Variants in AAK1 observed in about 807,000 individuals in gnomAD.
AAK1 encodes the protein AP2-associated protein kinase 1.
In AAK1, 37 loss-of-function variants were observed where a neutral mutation model predicts 116.0. That is an observed-to-expected ratio of 0.32 (90% CI 0.25 to 0.42). The LOEUF (loss-of-function observed/expected upper bound fraction) is 0.42. AAK1 is among the 10% of genes least tolerant of loss of function. The pLI, the probability that AAK1 is intolerant of heterozygous loss-of-function variation, is 1.00. For synonymous variants in AAK1, 458 were observed against 439.9 expected (o/e 1.04, Z -0.51); for missense variants, 919 against 1,170.6 (o/e 0.79, Z 3.14).
chr2:69,542,313 T>C (rs182826237), intron 5 of AAK1, among the ~76,000 whole-genome samples: 7 of 152,338 alleles, frequency 4.6e-5, no homozygotes, highest in African/African-American at 9.6e-5. Flanking sequence ...GTGATAATTA[T>C]AAAGAATTTC....
intron 2 of AAK1, among the ~76,000 whole-genome samples, chr2:69,585,327 A>G (rs1001802974): frequency 5.3e-5 from 8 of 152,078 alleles, no homozygotes; most frequent in Admixed American, 2.0e-4. Flanking sequence ...CTCCCAAAGT[A>G]TTGGGACTAC....
chr2:69,551,315 GT>G (rs1400854933), intron 3 of AAK1, among the ~76,000 whole-genome samples: 1 of 152,108 alleles, frequency 6.6e-6, no homozygotes, highest in Non-Finnish European at 1.5e-5. Context: ...GTGATGGGTT[GT>G]TATGTGCAGC....
At chr2:69,559,327 T>C (rs1039699153) in intron 2 of AAK1, among the ~76,000 whole-genome samples, 4 of 151,846 alleles carry the variant, frequency 2.6e-5, no homozygotes, top group African/African-American at 9.7e-5. Context: ...CTAAAATGCA[T>C]GTTTTTTACA....
At chr2:69,527,192 C>T (rs1392861319) in intron 9 of AAK1, 24 bp downstream of exon 9, 2 of 1,527,328 alleles carry the variant, frequency 1.3e-6, no homozygotes, top group Admixed American at 3.6e-5. Flanking sequence ...TGTTTACTCC[C>T]TTTAAATAGC....
At chr2:69,616,045 G>A (rs1674314018) in intron 2 of AAK1, among the ~76,000 whole-genome samples, 1 of 152,200 alleles carries the variant, frequency 6.6e-6, no homozygotes, top group Non-Finnish European at 1.5e-5. Flanking sequence ...AGACCAGCCT[G>A]GGCAACACGG....
At chr2:69,569,779 T>C (rs374578587) in intron 2 of AAK1, among the ~76,000 whole-genome samples, 1 of 152,180 alleles carries the variant, frequency 6.6e-6, no homozygotes, top group African/African-American at 2.4e-5. Flanking sequence ...TTACTCATCA[T>C]AATTGTTTAT....
Position 69,520,821 on chromosome 2 carries a change from T to C in AAK1, c.1210+13A>G. The C allele has an allele frequency of 1.3e-6, 2 of 1,534,990 alleles. No individual in the cohort carries two copies. Among genetic ancestry groups the C allele is most frequent in the South Asian group, 2.6e-5 (2 of 76,308 alleles). On this transcript the variant is annotated intron_variant, in intron 11 of 21. Coordinates refer to ENST00000409085, the MANE Select transcript of AAK1 (RefSeq NM_014911.5). Reference sequence around the variant, plus strand: ...AGAGGTGTATTGAGTTTCAAACCAATCTAGATACAAACCTGCAGCCTGAGG... The same window carrying C: ...AGAGGTGTATTGAGTTTCAAACCAACCTAGATACAAACCTGCAGCCTGAGG...
rs1162373533 is a variant in AAK1 at position 69,474,518 on chromosome 2, T to A, written c.*1351A>T. The A allele has an allele frequency of 1.0e-6, 1 of 984,738 alleles. No individual in the cohort carries two copies. The highest frequency in any genetic ancestry group is 1.7e-5 in the African/African-American group (1 of 57,208). 61.0% of individuals were successfully genotyped at this position (984,738 alleles called of 1,614,324 possible). On this transcript the variant is annotated 3_prime_UTR_variant, in exon 22 of 22. Transcript: ENST00000409085. ...TTTATGAACAATATCCTAAAGTTAA[T>A]AAAGAACTATGCTTTATTATTTTTT...
At chr2:69,518,901 T>C in intron 12 of AAK1, 53 bp downstream of exon 12, 1 of 1,478,196 alleles carries the variant, frequency 6.8e-7, no homozygotes, top group Non-Finnish European at 9.0e-7. Flanking sequence ...AGTGGGCCTT[T>C]TCACAGTCAT....
chr2:69,490,440 A>T (rs1422806767), intron 17 of AAK1, among the ~76,000 whole-genome samples: 1 of 152,174 alleles, frequency 6.6e-6, no homozygotes, highest in East Asian at 1.9e-4. Context: ...AGGAGAAAGA[A>T]AATGTGGTAT....
Position 69,468,434 on chromosome 2 carries a change from G to A in AAK1, c.*7435C>T. ...CCACCTTCCTCACATAGTATCAGTT[G>A]GACAAAGTTTTCAGTTGCCAAAACA... On this transcript the variant is annotated 3_prime_UTR_variant, in exon 22 of 22. Coordinates refer to ENST00000409085, the MANE Select transcript of AAK1 (RefSeq NM_014911.5). The A allele has an allele frequency of 1.0e-6, 1 of 985,256 alleles. No individual in the cohort carries two copies. The highest frequency in any genetic ancestry group is 1.2e-6 in the Non-Finnish European group (1 of 829,898). 61.0% of individuals were successfully genotyped at this position (985,256 alleles called of 1,614,324 possible).
At position 69,469,298 on chromosome 2, in the gene AAK1, G is replaced by A; in HGVS notation, c.*6571C>T. 2 of 985,360 alleles carry A rather than the reference G, an allele frequency of 2.0e-6. No individual in the cohort carries two copies. Among genetic ancestry groups the A allele is most frequent in the Non-Finnish European group, 2.4e-6 (2 of 829,922 alleles). The allele number at this position is 985,360 out of a possible 1,614,324, so 61.0% of individuals were successfully genotyped here. The stretch of plus-strand genomic sequence containing the variant: ...CATTCCCTTAAGGAATTCTGGTGGT[G>A]GCAGCACCAGAAACAAGGTAGTCGA... On this transcript the variant is annotated 3_prime_UTR_variant, in exon 22 of 22. Coordinates refer to ENST00000409085, the MANE Select transcript of AAK1 (RefSeq NM_014911.5).
In AAK1 at chr2:69,534,315, G is replaced by A. The variant is rs140182263; in HGVS notation, c.535-2153C>T. Among the ~76,000 whole-genome samples the A allele has an allele frequency of 6.1e-3, 922 of 152,248 alleles. 8 individuals carry two copies. Among genetic ancestry groups the A allele is most frequent in the African/African-American group, 0.021 (877 of 41,550 alleles). On this transcript the variant is annotated intron_variant, in intron 5 of 21. Transcript: ENST00000409085. ...GATAGGCAATTATATTCCTGCTACA[G>A]GAAGCAGGTTAGAAGCAGAGCAATT...
chr2:69,574,530 C>T (rs1041299005), intron 2 of AAK1, among the ~76,000 whole-genome samples: 1 of 151,776 alleles, frequency 6.6e-6, no homozygotes, highest in East Asian at 1.9e-4. Context: ...AATGATCCCA[C>T]CTGTGAATAG....
chr2:69,640,077 TCTC>T (rs1407177337), intron 2 of AAK1, among the ~76,000 whole-genome samples: 1 of 148,052 alleles, frequency 6.8e-6, no homozygotes, highest in Admixed American at 6.7e-5. Context: ...TCTCTCTCTC[TCTC>T]CCCCCCCACA....
rs1035885515 is a variant in AAK1 at position 69,465,898 on chromosome 2, T to C, written c.*9971A>G. 7.7e-7 allele frequency: 1 copy of C among 1,290,834 alleles called. No individual in the cohort carries two copies. Among genetic ancestry groups the C allele is most frequent in the South Asian group, 1.2e-5 (1 of 81,018 alleles). The allele number at this position is 1,290,834 out of a possible 1,614,324, so 80.0% of individuals were successfully genotyped here. A position where few individuals can be genotyped will look rare whatever the true frequency, so the allele number is the denominator to read the frequency against. On this transcript the variant is annotated 3_prime_UTR_variant, in exon 22 of 22. Transcript: ENST00000409085. Reference sequence around the variant, plus strand: ...CCCGCGGGCAGGGGGACATCACCTGTCTGACTGAGGAGACCGGTCTGTGCA... The same window carrying C: ...CCCGCGGGCAGGGGGACATCACCTGCCTGACTGAGGAGACCGGTCTGTGCA...
chr2:69,548,487 T>C (rs993337094), intron 3 of AAK1, among the ~76,000 whole-genome samples: 1 of 152,026 alleles, frequency 6.6e-6, no homozygotes, highest in Admixed American at 6.6e-5. Context: ...CCTTTCTTTT[T>C]CTTTCTCTCT....
intron 2 of AAK1, among the ~76,000 whole-genome samples, chr2:69,632,275 G>C (rs1675219579): frequency 6.6e-6 from 1 of 152,152 alleles, no homozygotes; most frequent in Non-Finnish European, 1.5e-5. Flanking sequence ...TGCTGAACTA[G>C]ACATGTTCTC....
In AAK1 at chr2:69,509,382, G is replaced by A. The variant is rs746057391; in HGVS notation, c.1855C>T (p.Leu619Phe). 1 of 1,613,984 alleles carries A rather than the reference G, an allele frequency of 6.2e-7. No homozygotes were observed. Among genetic ancestry groups the A allele is most frequent in the South Asian group, 1.1e-5 (1 of 91,074 alleles). Residue 619 changes from leucine (L) to phenylalanine (F), a missense_variant, in exon 14 of 22, where the codon CTC becomes TTC. Around this residue, in one of 4 missense-constraint regions of AAK1, gnomAD observed 125 missense variants for 184.1 expected, o/e 0.68. Transcript: ENST00000409085. ...GTTTTGGGGGATGAGGGTGGAGTGA[G>A]AGATCCAACTTTCTGCCCCTGGACG... ...PAVQGQKVGSLTPPSSPKTQR... is the reference protein window; with the variant it reads ...PAVQGQKVGSFTPPSSPKTQR...
Sources: gnomAD v4.1 joint callset for allele counts (sites outside exome capture counted in the v4.1 genomes callset) on GRCh38, gnomAD v4.1.1 for gene constraint, gnomAD v4.1.1 regional missense constraint, MANE v1.5 for transcripts, NCBI Gene and HGNC (gene_info 2026-07-23, HGNC 2026-07-21) for gene names.